The following STAG1 variants were observed in gnomAD, a reference collection of about 807,000 sequenced individuals.
STAG1 encodes cohesin subunit SA-1.
In STAG1, 26 loss-of-function variants were observed where a neutral mutation model predicts 170.9. The ratio of observed to expected loss-of-function variants is 0.15; its 90% CI spans 0.11 to 0.21. STAG1 has a LOEUF of 0.21. STAG1 is among the 10% of genes least tolerant of loss of function. The pLI, the probability that STAG1 is intolerant of heterozygous loss-of-function variation, is 1.00. For missense variants in STAG1, 964 were observed against 1,509.5 expected, an observed-to-expected ratio of 0.64 and a Z score of 5.99; for synonymous variants, 514 against 497.7, an observed-to-expected ratio of 1.03 and a Z score of -0.44.
intron 5 of STAG1, among the ~76,000 whole-genome samples, chr3:136,558,802 T>C (rs1385008000): frequency 6.6e-6 from 1 of 152,190 alleles, no homozygotes; most frequent in East Asian, 1.9e-4. Context: ...AATACCAAAT[T>C]AATATGTGCA....
chr3:136,464,222 G>T (rs575112787), intron 13 of STAG1, among the ~76,000 whole-genome samples: 1 of 151,816 alleles, frequency 6.6e-6, no homozygotes. Context: ...TCGGGAGTTC[G>T]ACACCGGCCT....
chr3:136,627,018 G>A (rs765055526), intron 2 of STAG1, among the ~76,000 whole-genome samples: 16 of 152,200 alleles, frequency 1.1e-4, no homozygotes, highest in Admixed American at 3.3e-4. Context: ...AACTATAGGA[G>A]CAGGTTGGTT....
chr3:136,718,485 A>G (rs1933001300), intron 1 of STAG1, among the ~76,000 whole-genome samples: 1 of 152,164 alleles, frequency 6.6e-6, no homozygotes, highest in South Asian at 2.1e-4. Context: ...TAAACATTAC[A>G]TTTTTGCATG....
At chr3:136,464,501 G>A (rs143880134) in intron 13 of STAG1, among the ~76,000 whole-genome samples, 1 of 152,032 alleles carries the variant, frequency 6.6e-6, no homozygotes, top group Non-Finnish European at 1.5e-5. Context: ...GCATTTTAAA[G>A]GTGATACTGC....
chr3:136,658,406 CA>C lies in STAG1; in HGVS notation c.-83-27426del, dbSNP rs369244154. The stretch of plus-strand genomic sequence containing the variant: ...GAATAGGAAATTTAAAAAAAAAAAT[CA>C]AAGGTAATTTAGGGTGTTGGTAGAT... On this transcript the variant is annotated intron_variant, in intron 1 of 33. Coordinates refer to ENST00000383202, the MANE Select transcript of STAG1 (RefSeq NM_005862.3). 5.0e-3 allele frequency among the ~76,000 whole-genome samples: 756 copies of C among 151,660 alleles called. 3 individuals carry two copies. Among genetic ancestry groups the C allele is most frequent in the Middle Eastern group, 0.01 (3 of 294 alleles).
chr3:136,353,040 T>A (rs190394591), intron 28 of STAG1, among the ~76,000 whole-genome samples: 1 of 152,222 alleles, frequency 6.6e-6, no homozygotes, highest in East Asian at 1.9e-4. Context: ...CAGAACCAAG[T>A]GGAAATTCTG....
chr3:136,383,229 A>G (rs1222231196), intron 22 of STAG1, among the ~76,000 whole-genome samples: 1 of 152,212 alleles, frequency 6.6e-6, no homozygotes, highest in Non-Finnish European at 1.5e-5. Flanking sequence ...GAAGTCTCAT[A>G]GAGTTAGCTT....
intron 13 of STAG1, among the ~76,000 whole-genome samples, chr3:136,453,420 T>C (rs934612191): frequency 1.3e-5 from 2 of 151,722 alleles, no homozygotes; most frequent in Admixed American, 1.3e-4. Flanking sequence ...TGAAACCCCA[T>C]CTCTACTAAA....
At chr3:136,525,647 G>A (rs1333806171) in intron 6 of STAG1, among the ~76,000 whole-genome samples, 3 of 152,130 alleles carry the variant, frequency 2.0e-5, no homozygotes, top group African/African-American at 4.8e-5. Flanking sequence ...GCTTTTGAAC[G>A]TGTTTGCTCT....
intron 10 of STAG1, 141 bp downstream of exon 10, chr3:136,477,148 A>T: frequency 1.2e-6 from 1 of 862,976 alleles, no homozygotes; most frequent in Non-Finnish European, 1.7e-6. Context: ...ATCATCAAGT[A>T]AATAGTTATT....
intron 1 of STAG1, among the ~76,000 whole-genome samples, chr3:136,745,652 T>A (rs1378643119): frequency 5.3e-5 from 8 of 152,166 alleles, no homozygotes; most frequent in Non-Finnish European, 1.2e-4. Flanking sequence ...GCCTCTCACC[T>A]CCTGCTGTGC....
chr3:136,700,876 C>CTTTTTTTTTTTTTTTTTT (rs35459362), intron 1 of STAG1, among the ~76,000 whole-genome samples: 3 of 78,356 alleles, frequency 3.8e-5, no homozygotes, highest in East Asian at 3.7e-4. Flanking sequence ...TATTTTTTTT[C>CTTTTTTTTTTTTTTTTTT]TTTTTTTTTT....
chr3:136,585,033 G>C (rs1353538385), intron 4 of STAG1, among the ~76,000 whole-genome samples: 1 of 152,260 alleles, frequency 6.6e-6, no homozygotes, highest in East Asian at 1.9e-4. Context: ...GGGTTACAGA[G>C]CCTTAGGAAA....
At chr3:136,590,167 A>T (rs1938084775) in intron 4 of STAG1, among the ~76,000 whole-genome samples, 1 of 151,620 alleles carries the variant, frequency 6.6e-6, no homozygotes, top group South Asian at 2.1e-4. Context: ...GAAACAGAAG[A>T]CAATTCAAAC....
chr3:136,455,848 T>C (rs547339137), intron 13 of STAG1, among the ~76,000 whole-genome samples: 95 of 152,346 alleles, frequency 6.2e-4, no homozygotes, highest in African/African-American at 2.2e-3. Flanking sequence ...TGGGAAATAA[T>C]GTAAGGCCAG....
intron 3 of STAG1, among the ~76,000 whole-genome samples, chr3:136,617,582 A>C (rs1283402807): frequency 6.6e-6 from 1 of 152,156 alleles, no homozygotes; most frequent in Non-Finnish European, 1.5e-5. Flanking sequence ...CTTAGTCCTC[A>C]TAAAACCTGG....
intron 27 of STAG1, among the ~76,000 whole-genome samples, chr3:136,358,926 T>C (rs1936757104): frequency 1.3e-5 from 2 of 152,134 alleles, no homozygotes. Flanking sequence ...GACAATAATA[T>C]GTTATTAAAT....
chr3:136,400,727 G>A (rs2087300149), intron 21 of STAG1, among the ~76,000 whole-genome samples: 2 of 151,890 alleles, frequency 1.3e-5, no homozygotes, highest in Non-Finnish European at 2.9e-5. Context: ...GTAGAGACAG[G>A]GCTTCACCAT....
At chr3:136,489,268 C>G (rs1323729158) in intron 9 of STAG1, among the ~76,000 whole-genome samples, 1 of 152,116 alleles carries the variant, frequency 6.6e-6, no homozygotes, top group Non-Finnish European at 1.5e-5. Flanking sequence ...GAACATAACC[C>G]TTTAATATGG....
Sources: allele counts gnomAD v4.1 joint callset (sites outside exome capture counted in the v4.1 genomes callset), GRCh38; gene constraint gnomAD v4.1.1; transcripts MANE v1.5; gene names NCBI Gene and HGNC (gene_info 2026-07-23, HGNC 2026-07-21).